The following SRRM4 variants were observed in gnomAD, a reference collection of about 807,000 sequenced individuals.
SRRM4 encodes serine/arginine repetitive matrix protein 4.
A neutral mutation model predicts 68.9 loss-of-function variants in SRRM4; 33 were observed. The observed-to-expected ratio is 0.48, with a 90% CI of 0.36 to 0.64. SRRM4 has a LOEUF of 0.64. SRRM4 is among the 30% of genes least tolerant of loss of function. SRRM4 has a pLI of 0.00. For missense variants in SRRM4, 817 were observed against 827.1 expected, an observed-to-expected ratio of 0.99 and a Z score of 0.15; for synonymous variants, 318 against 318.8, an observed-to-expected ratio of 1.00 and a Z score of 0.03.
intron 1 of SRRM4, among the ~76,000 whole-genome samples, chr12:119,080,064 T>C (rs542017388): frequency 9.8e-5 from 15 of 152,296 alleles, no homozygotes; most frequent in African/African-American, 3.6e-4. Context: ...TTCTTAAAGA[T>C]GTACATCCAT....
intron 1 of SRRM4, among the ~76,000 whole-genome samples, chr12:119,070,380 T>C (rs7308103): frequency 0.22 from 34,040 of 152,024 alleles, 4,116 homozygotes; most frequent in East Asian, 0.32. Flanking sequence ...CTCTAAGTTA[T>C]AGATCCCCGG....
At position 118,981,708 on chromosome 12, in the gene SRRM4, C is replaced by A; in HGVS notation, c.-175C>A. The A allele has an allele frequency of 1.5e-6, 1 of 680,804 alleles. No homozygotes were observed. The highest frequency in any genetic ancestry group is 2.4e-6 in the Non-Finnish European group (1 of 417,250). 42.2% of individuals were successfully genotyped at this position (680,804 alleles called of 1,614,324 possible). A position where few individuals can be genotyped will look rare whatever the true frequency, so the allele number is the denominator to read the frequency against. On this transcript the variant is annotated 5_prime_UTR_variant, in exon 1 of 13. In the 5' UTR this introduces an upstream ATG that the reference lacks. Transcript: ENST00000267260. ...CCAGCGGACGAGCCTCCTTTCTCTGCTGCCTGCCCGGGCTGGGGCGTCCCA... is the reference window on the plus strand; with the variant it reads ...CCAGCGGACGAGCCTCCTTTCTCTGATGCCTGCCCGGGCTGGGGCGTCCCA...
Position 119,101,030 on chromosome 12 carries a change from A to G in SRRM4, c.132-1206A>G, listed in dbSNP as rs151189203. 1.5e-3 allele frequency among the ~76,000 whole-genome samples: 230 copies of G among 152,222 alleles called. 2 individuals are homozygous for G. The East Asian group carries it at 0.031, about 21-fold the overall frequency. ...TTTTGCTGCCCTTCCTTCAATATTG[A>G]CTGGGCTTGACTTGCTCTCTTAGAA... On this transcript the variant is annotated intron_variant, in intron 1 of 12. Coordinates refer to ENST00000267260, the MANE Select transcript of SRRM4 (RefSeq NM_194286.4).
chr12:119,119,762 T>G (rs7958817), intron 4 of SRRM4, among the ~76,000 whole-genome samples: 46,432 of 151,168 alleles, frequency 0.31, 7,946 homozygotes, highest in African/African-American at 0.46. Context: ...ATGATGAGGA[T>G]GAGGAGGAGG....
chr12:119,020,623 G>A (rs1285260919), intron 1 of SRRM4, among the ~76,000 whole-genome samples: 1 of 152,198 alleles, frequency 6.6e-6, no homozygotes. Flanking sequence ...CGTTGAAAAG[G>A]TGTAGCTCAG....
chr12:119,135,958 T>C (rs1467697337), intron 8 of SRRM4, among the ~76,000 whole-genome samples: 1 of 152,116 alleles, frequency 6.6e-6, no homozygotes, highest in Non-Finnish European at 1.5e-5. Flanking sequence ...TAAGATAAGG[T>C]ATCCATTCAT....
intron 1 of SRRM4, among the ~76,000 whole-genome samples, chr12:119,097,811 T>A (rs1436501930): frequency 6.6e-6 from 1 of 152,144 alleles, no homozygotes; most frequent in Non-Finnish European, 1.5e-5. Context: ...TCCCCTGTAC[T>A]TCAGATAACT....
chr12:119,032,043 T>G (rs919066354), intron 1 of SRRM4, among the ~76,000 whole-genome samples: 1 of 152,192 alleles, frequency 6.6e-6, no homozygotes, highest in African/African-American at 2.4e-5. Context: ...TCATTTTTGA[T>G]AGTAATTAGT....
chr12:118,983,177 G>A (rs147551324), intron 1 of SRRM4, among the ~76,000 whole-genome samples: 15 of 152,328 alleles, frequency 9.8e-5, no homozygotes, highest in Admixed American at 2.6e-4. Context: ...GGTGGAAGAC[G>A]TATGGGAAAT....
chr12:118,993,466 C>G (rs971409205), intron 1 of SRRM4, among the ~76,000 whole-genome samples: 26 of 152,128 alleles, frequency 1.7e-4, no homozygotes, highest in African/African-American at 3.6e-4. Context: ...TTGGAGTGGG[C>G]CCCCAAAATT....
intron 1 of SRRM4, among the ~76,000 whole-genome samples, chr12:119,047,154 A>G (rs1953712868): frequency 6.6e-6 from 1 of 151,676 alleles, no homozygotes; most frequent in Non-Finnish European, 1.5e-5. Flanking sequence ...CAGTTTCCTT[A>G]TCTTTAGAAT....
At chr12:119,141,102 C>T (rs545293718) in intron 8 of SRRM4, among the ~76,000 whole-genome samples, 1 of 152,242 alleles carries the variant, frequency 6.6e-6, no homozygotes, top group African/African-American at 2.4e-5. Context: ...CCACCACACC[C>T]GGCTAATTTT....
chr12:119,120,297 C>T, intron 5 of SRRM4, 21 bp downstream of exon 5: 2 of 1,550,534 alleles, frequency 1.3e-6, no homozygotes, highest in South Asian at 2.4e-5. Flanking sequence ...TGTTCTCTGA[C>T]TGCCTGTTCA....
intron 7 of SRRM4, among the ~76,000 whole-genome samples, chr12:119,127,654 G>A (rs1954269927): frequency 6.6e-6 from 1 of 151,776 alleles, no homozygotes; most frequent in African/African-American, 2.4e-5. Flanking sequence ...CTTGAACCCA[G>A]GAGACGGAGG....
At chr12:119,127,399 C>G (rs1954268691) in intron 7 of SRRM4, among the ~76,000 whole-genome samples, 2 of 151,980 alleles carry the variant, frequency 1.3e-5, no homozygotes, top group Non-Finnish European at 2.9e-5. Flanking sequence ...TGCCCTGGCC[C>G]CACTTTTCCC....
intron 1 of SRRM4, among the ~76,000 whole-genome samples, chr12:119,063,079 C>T (rs995145745): frequency 3.3e-5 from 5 of 152,302 alleles, no homozygotes; most frequent in South Asian, 4.1e-4. Context: ...CAATGGTTTA[C>T]GTTATCACAT....
Position 119,160,321 on chromosome 12 carries a change from CTCA to C in SRRM4, c.*3524_*3526del, listed in dbSNP as rs1226976149. ...TCTCTCTCTCTCTCTCTCTCTCTCT[CTCA>C]GTGTATTTCTCTACTTTCTTTTACA... On this transcript the variant is annotated 3_prime_UTR_variant, in exon 13 of 13. Coordinates refer to ENST00000267260, the MANE Select transcript of SRRM4 (RefSeq NM_194286.4). 8.5e-5 allele frequency: 12 copies of C among 141,124 alleles called. No individual in the cohort carries two copies. Among genetic ancestry groups the C allele is most frequent in the African/African-American group, 3.4e-4 (12 of 35,118 alleles). 8.7% of individuals were successfully genotyped at this position (141,124 alleles called of 1,614,324 possible). A position where few individuals can be genotyped will look rare whatever the true frequency, so the allele number is the denominator to read the frequency against.
chr12:118,997,256 AT>A (rs1480025813), intron 1 of SRRM4, among the ~76,000 whole-genome samples: 1 of 152,152 alleles, frequency 6.6e-6, no homozygotes, highest in African/African-American at 2.4e-5. Context: ...TTTGGTAGGG[AT>A]TTCCACTTCC....
Position 119,134,853 on chromosome 12 carries a change from A to G in SRRM4, c.771+4019A>G, listed in dbSNP as rs577613676. On this transcript the variant is annotated intron_variant, in intron 8 of 12. Transcript: ENST00000267260. Reference sequence around the variant, plus strand: ...TTGTCCTGATGTCTGAGAAGGCTTTACCAATAAAGGATCATTTGAGCTGGG... The same window carrying G: ...TTGTCCTGATGTCTGAGAAGGCTTTGCCAATAAAGGATCATTTGAGCTGGG... Among the ~76,000 whole-genome samples the G allele has an allele frequency of 5.9e-5, 9 of 152,310 alleles. No individual in the cohort carries two copies. The South Asian group carries it at 1.0e-3, about 18-fold the overall frequency.
Sources: gnomAD v4.1 joint callset for allele counts (sites outside exome capture counted in the v4.1 genomes callset) on GRCh38, gnomAD v4.1.1 for gene constraint, MANE v1.5 for transcripts, NCBI Gene and HGNC (gene_info 2026-07-23, HGNC 2026-07-21) for gene names.